The following MALAT1 variants were observed in gnomAD, a reference collection of about 807,000 sequenced individuals.
The protein encoded by MALAT1 is metastasis associated lung adenocarcinoma transcript 1, also known as hepcarcin.
At chr11:65,503,348 T>G (rs1442348625) in exon 3 of MALAT1, 3 of 518,928 alleles carry the variant, frequency 5.8e-6, no homozygotes, top group Non-Finnish European at 1.2e-5. Context: ...CTTTTTAAAA[T>G]TGTAGGACTT....
At chr11:65,503,530 A>G (rs767925405) in exon 3 of MALAT1, 9 of 518,582 alleles carry the variant, frequency 1.7e-5, no homozygotes, top group Non-Finnish European at 3.1e-5. Flanking sequence ...ATGTGCTGTT[A>G]GAATCAGATG....
chr11:65,501,351 A>G (rs1215548892), exon 3 of MALAT1: 1 of 518,802 alleles, frequency 1.9e-6, no homozygotes, highest in Admixed American at 1.9e-5. Context: ...CAGGATAATC[A>G]GACCACCACA....
At position 65,500,607 on chromosome 11, in the gene MALAT1, G is replaced by GA. The variant is rs758226350; in HGVS notation, n.1875dup. The GA allele has an allele frequency of 3.7e-5, 19 of 518,924 alleles. 1 individual carries two copies. Among genetic ancestry groups the GA allele is most frequent in the African/African-American group, 3.5e-4 (18 of 52,060 alleles). The allele number at this position is 518,924 out of a possible 1,614,324, so 32.1% of individuals were successfully genotyped here. On this transcript the variant is annotated non_coding_transcript_exon_variant, in exon 3 of 4. Transcript: ENST00000619449. ...GCTAACGATTTGGTGGTGAAGCTAGGAAAAAGGATTCCAGGAAGGAGCGAG... is the reference window on the plus strand; with the variant it reads ...GCTAACGATTTGGTGGTGAAGCTAGGAAAAAAGGATTCCAGGAAGGAGCGAG...
intron 3 of MALAT1, chr11:65,505,172 T>C (rs1193891525): frequency 3.9e-6 from 2 of 518,716 alleles, no homozygotes; most frequent in South Asian, 2.8e-5. Context: ...TAAGCCTTTT[T>C]TTAAGATTTT....
intron 3 of MALAT1, chr11:65,505,650 A>C: frequency 1.9e-6 from 1 of 519,020 alleles, no homozygotes; most frequent in Non-Finnish European, 3.8e-6. Flanking sequence ...CATGATCCAT[A>C]ATCGGTTTCA....
exon 2 of MALAT1, chr11:65,498,699 C>G (rs754624361): frequency 1.9e-6 from 1 of 518,496 alleles, no homozygotes; most frequent in African/African-American, 1.9e-5. Context: ...ACTATACCTA[C>G]TGTCCCTCAA....
chr11:65,501,048 T>A (rs1251558969), exon 3 of MALAT1: 1 of 509,158 alleles, frequency 2.0e-6, no homozygotes, highest in Non-Finnish European at 3.9e-6. Context: ...ACCAAATGAA[T>A]TTGATAGCCA....
intron 1 of MALAT1, chr11:65,498,419 CTG>C (rs1419311685): frequency 1.9e-6 from 1 of 518,580 alleles, no homozygotes; most frequent in Non-Finnish European, 3.8e-6. Context: ...GGGAGCAGCT[CTG>C]TGGTGTGGGA....
chr11:65,501,354 C>T (rs973277943), exon 3 of MALAT1: 1 of 518,694 alleles, frequency 1.9e-6, no homozygotes, highest in Non-Finnish European at 3.8e-6. Context: ...GATAATCAGA[C>T]CACCACAGGT....
exon 3 of MALAT1, chr11:65,501,366 T>TAC (rs1370525091): frequency 3.9e-6 from 2 of 518,592 alleles, no homozygotes; most frequent in Non-Finnish European, 7.7e-6. Flanking sequence ...ACCACAGGTT[T>TAC]ACAGTTTATA....
chr11:65,497,978 G>A lies in MALAT1; in HGVS notation n.178+113G>A, dbSNP rs754214953. ...TTATAGGCTGGCCATTCCAGGTGGT[G>A]GTATTTAGATAAAACCACTCAAACT... On this transcript the variant is annotated intron_variant and non_coding_transcript_variant, in intron 1 of 3. Coordinates refer to ENST00000619449, the Ensembl canonical transcript of MALAT1. 7 of 518,810 alleles carry A rather than the reference G, an allele frequency of 1.3e-5. No homozygotes were observed. The East Asian group carries it at 3.3e-4, about 24-fold the overall frequency. 32.1% of individuals were successfully genotyped at this position (518,810 alleles called of 1,614,324 possible).
At chr11:65,497,873 C>G (rs750816024) in intron 1 of MALAT1, 2 of 518,518 alleles carry the variant, frequency 3.9e-6, no homozygotes, top group East Asian at 5.4e-5. Context: ...AAGGCAGGTC[C>G]CCTCTGACGC....
At chr11:65,504,938 A>G (rs1269307487) in intron 3 of MALAT1, 1 of 518,868 alleles carries the variant, frequency 1.9e-6, no homozygotes, top group Non-Finnish European at 3.8e-6. Flanking sequence ...ATTGGGAACC[A>G]CTAGTTCTTT....
At chr11:65,502,709 C>G (rs775768816) in exon 3 of MALAT1, 7 of 510,358 alleles carry the variant, frequency 1.4e-5, no homozygotes, top group Admixed American at 1.0e-4. Flanking sequence ...GAGAAAACAG[C>G]TCCTTGGTGA....
rs758733750 is a variant in MALAT1, at chr11:65,505,428, TAATAATAA to T, written n.5169-830_5169-823del. The T allele has an allele frequency of 9.8e-6, 5 of 511,054 alleles. No individual in the cohort carries two copies. In the East Asian group the frequency reaches 2.7e-4, roughly 28 times the overall value. 31.7% of individuals were successfully genotyped at this position (511,054 alleles called of 1,614,324 possible). A position where few individuals can be genotyped will look rare whatever the true frequency, so the allele number is the denominator to read the frequency against. On this transcript the variant is annotated intron_variant and non_coding_transcript_variant, in intron 3 of 3. Coordinates refer to ENST00000619449, the Ensembl canonical transcript of MALAT1. ...AGCAAGCTGTTTTTATAGCAGCTCT[TAATAATAA>T]AGCCCAAATCTCAAGCGGTGCTTGA...
exon 3 of MALAT1, chr11:65,500,941 A>G (rs766637836): frequency 6.8e-5 from 35 of 511,928 alleles, no homozygotes; most frequent in Non-Finnish European, 2.7e-5. Context: ...ATACTCATGA[A>G]TCTTGTCTGA....
At chr11:65,505,747 A>G (rs1298573768) in intron 3 of MALAT1, 3 of 518,940 alleles carry the variant, frequency 5.8e-6, no homozygotes, top group Admixed American at 3.9e-5. Context: ...ACAGAAGGGT[A>G]TTAAAACCAC....
exon 3 of MALAT1, chr11:65,499,746 GAAAA>G (rs781235953): frequency 2.3e-6 from 1 of 429,606 alleles, no homozygotes; most frequent in African/African-American, 2.1e-5. Flanking sequence ...ACTTTTAGAA[GAAAA>G]AAGATAAATT....
At chr11:65,499,667 T>G (rs1347194122) in exon 3 of MALAT1, 2 of 435,120 alleles carry the variant, frequency 4.6e-6, no homozygotes, top group South Asian at 3.4e-5. Flanking sequence ...AGTGGAAAAC[T>G]GGAAGACAGA....
Sources: allele counts gnomAD v4.1 joint callset, GRCh38; gene constraint gnomAD v4.1.1; transcripts MANE v1.5; gene names NCBI Gene and HGNC (gene_info 2026-07-23, HGNC 2026-07-21).